The following PPFIA3 variants were observed in gnomAD, a reference collection of about 807,000 sequenced individuals.
The protein encoded by PPFIA3 is liprin-alpha-3.
PPFIA3 carries 26 observed loss-of-function variants against 145.8 expected under a neutral mutation model. The ratio of observed to expected loss-of-function variants is 0.18; its 90% CI spans 0.13 to 0.25. The LOEUF is 0.25. Among genes scored for constraint, PPFIA3 ranks in the 10% least tolerant of loss-of-function variants. PPFIA3 has a pLI of 1.00. For synonymous variants in PPFIA3, 645 were observed against 661.4 expected, an observed-to-expected ratio of 0.98 and a Z score of 0.38; for missense variants, 1,008 against 1,587.8, an observed-to-expected ratio of 0.63 and a Z score of 6.21.
At chr19:49,134,556 T>C in intron 11 of PPFIA3, 83 bp from the exon 12 acceptor site, 1 of 1,300,464 alleles carries the variant, frequency 7.7e-7, no homozygotes, top group Non-Finnish European at 1.1e-6. Flanking sequence ...CTCAGGCCTG[T>C]CTGTGTGCAC....
chr19:49,140,349 TTTG>T (rs973585311), intron 18 of PPFIA3, among the ~76,000 whole-genome samples: 3 of 152,060 alleles, frequency 2.0e-5, no homozygotes, highest in East Asian at 1.9e-4. Context: ...TTTTTTGGTT[TTTG>T]TTGTTGTTGT....
At position 49,128,055 on chromosome 19, in the gene PPFIA3, G is replaced by A; in HGVS notation, c.182G>A (p.Arg61His). ...TTGGCTACAGCGCAGCTGCGGCTGC[G>A]CGAGCTCGGCCACGAGAAGGACTCG... is the stretch of plus-strand genomic sequence containing the variant. ...DGLATAQLRL[R>H]ELGHEKDSLQ... The change falls in exon 2 of 30, where the codon CGC becomes CAC. Residue 61 changes from arginine to histidine, a missense_variant. By Grantham distance (29) the Arg-to-His change is conservative (BLOSUM62 0). Coordinates refer to ENST00000334186, the MANE Select transcript of PPFIA3 (RefSeq NM_003660.4). This position sits in a 1 kb window ranked among gnomAD's most constrained non-coding sequence, Gnocchi z 4.1. 1 of 1,594,444 alleles carries A rather than the reference G, an allele frequency of 6.3e-7. No individual in the cohort carries two copies.
intron 1 of PPFIA3, among the ~76,000 whole-genome samples, chr19:49,127,006 A>C (rs1488534785): frequency 1.3e-5 from 2 of 148,976 alleles, no homozygotes; most frequent in Non-Finnish European, 3.0e-5. Flanking sequence ...GAGCAATGGC[A>C]CAGGCACAGT....
Position 49,145,983 on chromosome 19 carries a change from C to T in PPFIA3, c.2786C>T (p.Ser929Phe). 2 of 1,614,128 alleles carry T rather than the reference C, an allele frequency of 1.2e-6. No homozygotes were observed. Among genetic ancestry groups the T allele is most frequent in the Non-Finnish European group, 8.5e-7 (1 of 1,180,010 alleles). The change falls in exon 22 of 30, where the codon TCC (serine) becomes TTC (phenylalanine). Residue 929 changes from serine (S) to phenylalanine (F), a missense_variant. Ser to Phe is a radical substitution (Grantham distance 155). This residue lies in a region of PPFIA3 where 154 missense variants were observed against 369.2 expected (regional missense o/e 0.42). Coordinates refer to ENST00000334186, the MANE Select transcript of PPFIA3 (RefSeq NM_003660.4). ...TGGATGACACACGAGGAGATGGAGT[C>T]CCTTACGGCCACGACCAAGCCCGTG... ...NVWMTHEEME[S>F]LTATTKPETK...
At chr19:49,141,162 TC>T (rs1378987764) in intron 18 of PPFIA3, among the ~76,000 whole-genome samples, 1 of 152,006 alleles carries the variant, frequency 6.6e-6, no homozygotes. Context: ...CCCTTCTGCC[TC>T]CCCAAGGAGC....
Position 49,138,415 on chromosome 19 carries a change from C to T in PPFIA3, c.2064C>T (p.Gly688=). 6.5e-7 allele frequency: 1 copy of T among 1,548,030 alleles called. No individual in the cohort carries two copies. Among genetic ancestry groups the T allele is most frequent in the South Asian group, 1.2e-5 (1 of 82,262 alleles). Reference sequence around the variant, plus strand: ...CACCCCCTAGCCCTGCCCGTGAGGGCACCGACAAGGCTGTGAGTGCTCTGA... The same window carrying T: ...CACCCCCTAGCCCTGCCCGTGAGGGTACCGACAAGGCTGTGAGTGCTCTGA... The part of the protein sequence containing the change: ...RLAPPSPARE[G]TDKANHVPKE... Residue 688 remains glycine (G), a synonymous_variant, in exon 16 of 30, where the codon GGC becomes GGT. Transcript: ENST00000334186.
rs376779503 is a variant in PPFIA3 at position 49,139,693 on chromosome 19, G to C, written c.2102G>C (p.Gly701Ala). 1 of 1,608,872 alleles carries C rather than the reference G, an allele frequency of 6.2e-7. No homozygotes were observed. The highest frequency in any genetic ancestry group is 1.7e-5 in the Admixed American group (1 of 59,108). Residue 701 changes from glycine to alanine, a missense_variant, in exon 17 of 30, where the codon GGA becomes GCA. Coordinates refer to ENST00000334186, the MANE Select transcript of PPFIA3 (RefSeq NM_003660.4). ...AATCATGTCCCTAAGGAGGAAGCTG[G>C]AGCTCCACGAGGGGAGGGGCCGGCC... is the stretch of plus-strand genomic sequence containing the variant. ...KANHVPKEEAGAPRGEGPAIP... is the reference protein window; with the variant it reads ...KANHVPKEEAAAPRGEGPAIP...
In PPFIA3 at chr19:49,135,771, GC is replaced by G; in HGVS notation, c.1521-5del. ...CTTGGTCTCTGACTGCTTTCCTCAT[GC>G]CCACAGGTCTCTCCCTGGCAGTGCC... On this transcript the variant is annotated splice_polypyrimidine_tract_variant and splice_region_variant and intron_variant, in intron 13 of 29. Transcript: ENST00000334186. 3 of 1,602,956 alleles carry G rather than the reference GC, an allele frequency of 1.9e-6. No homozygotes were observed. Among genetic ancestry groups the G allele is most frequent in the Non-Finnish European group, 2.6e-6 (3 of 1,174,350 alleles).
chr19:49,140,630 C>A (rs1434467254), intron 18 of PPFIA3, among the ~76,000 whole-genome samples: 1 of 127,012 alleles, frequency 7.9e-6, no homozygotes, highest in Non-Finnish European at 1.6e-5. Context: ...GGATTACAGA[C>A]TCATTTACCT....
At chr19:49,126,867 C>T (rs967629879) in intron 1 of PPFIA3, among the ~76,000 whole-genome samples, 1 of 151,910 alleles carries the variant, frequency 6.6e-6, no homozygotes, top group Non-Finnish European at 1.5e-5. Flanking sequence ...TTCACTCATA[C>T]GATACCAGGG....
At chr19:49,139,547 T>A in intron 16 of PPFIA3, 121 bp from the exon 17 acceptor site, 1 of 993,878 alleles carries the variant, frequency 1.0e-6, no homozygotes, top group Non-Finnish European at 1.4e-6. Flanking sequence ...TAGACTACCT[T>A]CGTATACTGT....
At position 49,150,294 on chromosome 19, in the gene PPFIA3, G is replaced by T. The variant is rs1307580911; in HGVS notation, c.*72G>T. ...GCTGGGCTGTTCCCTCTCCTGCCCG[G>T]ACTGTGGCCTCGCCGGGGAGAGCGG... is the stretch of plus-strand genomic sequence containing the variant. On this transcript the variant is annotated 3_prime_UTR_variant, in exon 30 of 30. Transcript: ENST00000334186. 2 of 802,200 alleles carry T rather than the reference G, an allele frequency of 2.5e-6. No individual in the cohort carries two copies. Among genetic ancestry groups the T allele is most frequent in the Middle Eastern group, 3.7e-4 (1 of 2,682 alleles). The allele number at this position is 802,200 out of a possible 1,614,324, so 49.7% of individuals were successfully genotyped here. A position where few individuals can be genotyped will look rare whatever the true frequency, so the allele number is the denominator to read the frequency against.
chr19:49,131,023 C>T (rs960846116), intron 7 of PPFIA3, among the ~76,000 whole-genome samples: 4 of 113,228 alleles, frequency 3.5e-5, no homozygotes, highest in African/African-American at 1.1e-4. Context: ...CACCATGCAC[C>T]GCTAATTTTT....
Position 49,135,773 on chromosome 19 carries a change from C to T in PPFIA3, c.1521-6C>T, listed in dbSNP as rs1271793227. ...TGGTCTCTGACTGCTTTCCTCATGC[C>T]CACAGGTCTCTCCCTGGCAGTGCCC... is the stretch of plus-strand genomic sequence containing the variant. On this transcript the variant is annotated splice_polypyrimidine_tract_variant and splice_region_variant and intron_variant, in intron 13 of 29. Coordinates refer to ENST00000334186, the MANE Select transcript of PPFIA3 (RefSeq NM_003660.4). 1 of 1,605,324 alleles carries T rather than the reference C, an allele frequency of 6.2e-7. No individual in the cohort carries two copies. Among genetic ancestry groups the T allele is most frequent in the Non-Finnish European group, 8.5e-7 (1 of 1,175,604 alleles).
intron 1 of PPFIA3, among the ~76,000 whole-genome samples, chr19:49,123,641 C>G (rs1275458415): frequency 6.6e-6 from 1 of 151,916 alleles, no homozygotes; most frequent in South Asian, 2.1e-4. Context: ...GGGGTTTCAC[C>G]ATGTTGGCTA....
At position 49,136,930 on chromosome 19, in the gene PPFIA3, C is replaced by T. The variant is rs1199700240; in HGVS notation, c.1853+19C>T. The T allele has an allele frequency of 6.7e-7, 1 of 1,492,516 alleles. No homozygotes were observed. Among genetic ancestry groups the T allele is most frequent in the Admixed American group, 2.2e-5 (1 of 45,858 alleles). The allele number at this position is 1,492,516 out of a possible 1,614,324, so 92.5% of individuals were successfully genotyped here. A position where few individuals can be genotyped will look rare whatever the true frequency, so the allele number is the denominator to read the frequency against. On this transcript the variant is annotated intron_variant, in intron 15 of 29. Transcript: ENST00000334186. ...AGATCAAGTGAGCCCTGGCCCCGCC[C>T]CGGCCTGCCCTGCCCTGCCGGAGCT...
chr19:49,134,695 A>G lies in PPFIA3; in HGVS notation c.1434A>G (p.Leu478=). The change falls in exon 12 of 30, where the codon CTA becomes CTG. Residue 478 remains leucine (L), a synonymous_variant. Transcript: ENST00000334186. The part of the protein sequence containing the change: ...NMKKLQDELL[L]NKEQLLAEME... ...AGAAGCTTCAGGATGAGTTGCTGCT[A>G]AACAAGGTAGGGGGCCCTGAGGGGA... The G allele has an allele frequency of 3.1e-6, 5 of 1,613,992 alleles. No homozygotes were observed. The highest frequency in any genetic ancestry group is 4.2e-6 in the Non-Finnish European group (5 of 1,179,924).
rs79247105 is a variant in PPFIA3 at position 49,128,245 on chromosome 19, A to G, written c.241-122A>G. On this transcript the variant is annotated intron_variant, in intron 2 of 29. Coordinates refer to ENST00000334186, the MANE Select transcript of PPFIA3 (RefSeq NM_003660.4). This position sits in a 1 kb window ranked among gnomAD's most constrained non-coding sequence, Gnocchi z 4.1. ...GCTTGCCGTTAATGGGCGGGGCCTG[A>G]GTGGCAAGGGACAGCGGGACTTAGC... is the stretch of plus-strand genomic sequence containing the variant. The G allele has an allele frequency of 0.011, 16,677 of 1,484,714 alleles. 110 individuals carry two copies. Among genetic ancestry groups the G allele is most frequent in the Non-Finnish European group, 0.013 (14,429 of 1,083,406 alleles). 92.0% of individuals were successfully genotyped at this position (1,484,714 alleles called of 1,614,324 possible).
chr19:49,136,995 G>C, intron 15 of PPFIA3, 84 bp downstream of exon 15: 1 of 1,301,864 alleles, frequency 7.7e-7, no homozygotes, highest in Non-Finnish European at 1.0e-6. Context: ...CTGAAAGCCT[G>C]AGTCCGTCTC....
Sources: gnomAD v4.1 joint callset for allele counts (sites outside exome capture counted in the v4.1 genomes callset) on GRCh38, gnomAD v4.1.1 for gene constraint, gnomAD v4.1.1 regional missense constraint, Gnocchi (gnomAD v3.1) non-coding constraint, MANE v1.5 for transcripts, NCBI Gene and HGNC (gene_info 2026-07-23, HGNC 2026-07-21) for gene names.